The following VPS36 variants were observed in gnomAD, a reference collection of about 807,000 sequenced individuals.
VPS36 encodes vacuolar protein-sorting-associated protein 36.
A neutral mutation model predicts 63.5 loss-of-function variants in VPS36; 31 were observed. That is an observed-to-expected ratio of 0.49 (90% CI 0.37 to 0.66). VPS36 has a LOEUF of 0.66. Among genes scored for constraint, VPS36 ranks in the 30% least tolerant of loss-of-function variants. The pLI, the probability that VPS36 is intolerant of heterozygous loss-of-function variation, is 0.00. For missense variants in VPS36, 338 were observed against 463.7 expected (o/e 0.73, Z 2.49); for synonymous variants, 138 against 157.2 (o/e 0.88, Z 0.91).
chr13:52,425,988 G>A lies in VPS36; in HGVS notation c.718C>T (p.Gln240Ter). 1 of 1,614,122 alleles carries A rather than the reference G, an allele frequency of 6.2e-7. No individual in the cohort carries two copies. Among genetic ancestry groups the A allele is most frequent in the Non-Finnish European group, 8.5e-7 (1 of 1,179,996 alleles). Reference sequence around the variant, plus strand: ...TGTTTGGCCAGCTGCATGTGGTACTGTGTGCCTGAGCCGTAGGTTTCTCTG... The same window carrying A: ...TGTTTGGCCAGCTGCATGTGGTACTATGTGCCTGAGCCGTAGGTTTCTCTG... ...VTRETYGSGT[Q>*]YHMQLAKQLA... The change falls in exon 9 of 14, where the codon CAG (glutamine) becomes TAG (stop). Residue 240 changes from glutamine to a stop codon, truncating the protein, a stop_gained. Coordinates refer to ENST00000378060, the MANE Select transcript of VPS36 (RefSeq NM_016075.4). LOFTEE classifies it high-confidence loss of function.
intron 2 of VPS36, among the ~76,000 whole-genome samples, chr13:52,441,679 G>A (rs923335838): frequency 2.6e-5 from 4 of 152,152 alleles, no homozygotes; most frequent in Non-Finnish European, 5.9e-5. Flanking sequence ...TTGAACCTGG[G>A]AGGCGGAGGT....
At chr13:52,429,691 C>A (rs9526916) in intron 6 of VPS36, among the ~76,000 whole-genome samples, 4,418 of 152,240 alleles carry the variant, frequency 0.029, 101 homozygotes, top group South Asian at 0.069. Context: ...ATGTAGAATC[C>A]TTTGAACTAT....
chr13:52,424,610 AAAAC>A (rs762475827), intron 9 of VPS36, among the ~76,000 whole-genome samples: 5 of 152,154 alleles, frequency 3.3e-5, no homozygotes, highest in African/African-American at 7.2e-5. Flanking sequence ...CATGAAATTA[AAAAC>A]AAACAAACAA....
intron 12 of VPS36, 58 bp downstream of exon 12, chr13:52,416,999 T>G: frequency 6.9e-7 from 1 of 1,441,744 alleles, no homozygotes; most frequent in Non-Finnish European, 9.5e-7. Context: ...TTTGAGTTGC[T>G]AAGCCTTCGG....
chr13:52,418,191 G>C, intron 10 of VPS36, 135 bp from the exon 11 acceptor site: 1 of 737,758 alleles, frequency 1.4e-6, no homozygotes, highest in Non-Finnish European at 2.1e-6. Flanking sequence ...ATTGACAAAG[G>C]AACCAAAGAC....
intron 12 of VPS36, 88 bp from the exon 13 acceptor site, chr13:52,416,181 T>A: frequency 1.7e-6 from 2 of 1,155,324 alleles, no homozygotes; most frequent in Non-Finnish European, 2.5e-6. Flanking sequence ...AGGCAGAATG[T>A]ATACCAGTAT....
intron 1 of VPS36, among the ~76,000 whole-genome samples, chr13:52,442,694 G>A (rs1242318745): frequency 6.6e-6 from 1 of 152,154 alleles, no homozygotes; most frequent in African/African-American, 2.4e-5. Context: ...TGCAATGCAT[G>A]CAAAGGTTAA....
chr13:52,450,618 C>G lies in VPS36; in HGVS notation c.-24G>C. Reference sequence around the variant, plus strand: ...ATGGCCGCTGCCACCCAGCCCCGGCCCTCCGAGGCCGCGAGCAGCGCGCCA... The same window carrying G: ...ATGGCCGCTGCCACCCAGCCCCGGCGCTCCGAGGCCGCGAGCAGCGCGCCA... On this transcript the variant is annotated 5_prime_UTR_variant, in exon 1 of 14. Transcript: ENST00000378060. The G allele has an allele frequency of 6.5e-7, 1 of 1,549,774 alleles. No homozygotes were observed. The highest frequency in any genetic ancestry group is 1.4e-5 in the African/African-American group (1 of 70,356).
At chr13:52,450,091 A>G in intron 1 of VPS36, 2 of 989,522 alleles carry the variant, frequency 2.0e-6, no homozygotes, top group Non-Finnish European at 2.4e-6. Context: ...TCCGGTGCCG[A>G]CGCCGAGGTT....
chr13:52,419,457 C>T (rs576820376), intron 10 of VPS36, among the ~76,000 whole-genome samples: 1 of 152,238 alleles, frequency 6.6e-6, no homozygotes, highest in South Asian at 2.1e-4. Flanking sequence ...TTCATTCAGT[C>T]CAAGCCCTTA....
chr13:52,434,971 CTTTTTTTTTT>C (rs869257101), intron 4 of VPS36, 89 bp from the exon 5 acceptor site: 1 of 736,470 alleles, frequency 1.4e-6, no homozygotes, highest in African/African-American at 2.1e-5. Context: ...TTCTTTTTTT[CTTTTTTTTTT>C]TTTTTTTGAG....
At chr13:52,434,414 A>T (rs553870443) in intron 5 of VPS36, among the ~76,000 whole-genome samples, 2 of 152,210 alleles carry the variant, frequency 1.3e-5, no homozygotes, top group South Asian at 2.1e-4. Flanking sequence ...GCTGAAGTGC[A>T]ATGGTGCAAT....
chr13:52,450,217 A>C, intron 1 of VPS36: 1 of 1,064,432 alleles, frequency 9.4e-7, no homozygotes. Flanking sequence ...CGCTCCCGGA[A>C]GCATTCCGGG....
At chr13:52,430,437 C>T (rs568349737) in intron 6 of VPS36, among the ~76,000 whole-genome samples, 3 of 152,164 alleles carry the variant, frequency 2.0e-5, no homozygotes, top group Admixed American at 1.3e-4. Flanking sequence ...TCGAGACCAG[C>T]CTTGCCAATA....
At chr13:52,429,905 T>C (rs1001724036) in intron 6 of VPS36, among the ~76,000 whole-genome samples, 3 of 151,912 alleles carry the variant, frequency 2.0e-5, no homozygotes, top group Non-Finnish European at 4.4e-5. Context: ...AGAGAGCCAA[T>C]AGGGATTCAC....
intron 2 of VPS36, among the ~76,000 whole-genome samples, chr13:52,441,240 G>A (rs1022051504): frequency 6.6e-6 from 1 of 152,104 alleles, no homozygotes; most frequent in African/African-American, 2.4e-5. Flanking sequence ...TATTGTAATG[G>A]TTAGCAGCCC....
At chr13:52,439,875 C>T (rs922257001) in intron 2 of VPS36, among the ~76,000 whole-genome samples, 4 of 152,142 alleles carry the variant, frequency 2.6e-5, no homozygotes, top group African/African-American at 7.2e-5. Context: ...ATGTAGATGA[C>T]TTTCTCTTCT....
intron 6 of VPS36, 42 bp downstream of exon 6, chr13:52,433,620 C>CA: frequency 1.3e-6 from 2 of 1,485,558 alleles, no homozygotes; most frequent in Non-Finnish European, 1.9e-6. Context: ...AGAATAGACA[C>CA]AAATGGCTGG....
intron 10 of VPS36, 125 bp downstream of exon 10, chr13:52,423,449 T>C: frequency 4.1e-6 from 3 of 726,646 alleles, no homozygotes; most frequent in Non-Finnish European, 6.7e-6. Context: ...CAGTATTCTT[T>C]CACTGTACCA....
Sources: allele counts gnomAD v4.1 joint callset (sites outside exome capture counted in the v4.1 genomes callset), GRCh38; gene constraint gnomAD v4.1.1; transcripts MANE v1.5; gene names NCBI Gene and HGNC (gene_info 2026-07-23, HGNC 2026-07-21).